Variants in ASIC2 observed in about 807,000 individuals in gnomAD.
ASIC2 encodes acid-sensing ion channel 2.
In ASIC2, 25 loss-of-function variants were observed where a neutral mutation model predicts 57.3. The observed-to-expected ratio is 0.44, with a 90% CI of 0.32 to 0.61. The LOEUF (loss-of-function observed/expected upper bound fraction) is 0.61, where lower values mean the gene tolerates loss of function less well. ASIC2 is among the 20% of genes least tolerant of loss of function. ASIC2 has a pLI of 0.06. For synonymous variants in ASIC2, 319 were observed against 307.5 expected (o/e 1.04, Z -0.39); for missense variants, 641 against 738.1 (o/e 0.87, Z 1.52).
At chr17:33,923,136 T>C (rs1372620097) in intron 1 of ASIC2, among the ~76,000 whole-genome samples, 3 of 152,066 alleles carry the variant, frequency 2.0e-5, no homozygotes, top group African/African-American at 7.2e-5. Flanking sequence ...TGGCTTTGAG[T>C]GGCTTTCTGC....
intron 3 of ASIC2, among the ~76,000 whole-genome samples, chr17:33,059,579 T>C (rs1264186267): frequency 6.6e-6 from 1 of 152,262 alleles, no homozygotes; most frequent in Non-Finnish European, 1.5e-5. Context: ...TTTGGAATGG[T>C]TCCAAGTCTT....
chr17:33,724,793 A>G (rs1050514269), intron 1 of ASIC2, among the ~76,000 whole-genome samples: 4 of 152,070 alleles, frequency 2.6e-5, no homozygotes, highest in Non-Finnish European at 5.9e-5. Flanking sequence ...TTGAGTTTGT[A>G]TTAATAAATA....
intron 1 of ASIC2, among the ~76,000 whole-genome samples, chr17:33,346,956 A>G (rs936972958): frequency 1.1e-4 from 17 of 152,190 alleles, no homozygotes; most frequent in African/African-American, 3.9e-4. Context: ...CACCTTTTCA[A>G]AAAAGTTTTG....
chr17:33,493,182 A>T (rs193152283), intron 1 of ASIC2, among the ~76,000 whole-genome samples: 63 of 152,312 alleles, frequency 4.1e-4, no homozygotes, highest in Admixed American at 3.5e-3. Context: ...TTCAGGCTCC[A>T]GGGTATGTGC....
At chr17:33,532,653 T>C (rs548292586) in intron 1 of ASIC2, among the ~76,000 whole-genome samples, 2 of 152,354 alleles carry the variant, frequency 1.3e-5, no homozygotes, top group South Asian at 4.1e-4. Context: ...CATTTCCATC[T>C]CTTCCACGTC....
intron 1 of ASIC2, among the ~76,000 whole-genome samples, chr17:33,582,826 GATGAACATTAAGAAC>G (rs1481688830): frequency 6.6e-6 from 1 of 151,926 alleles, no homozygotes; most frequent in Non-Finnish European, 1.5e-5. Flanking sequence ...AAAACAAAGA[GATGAACATTAAGAAC>G]ATTCTTTATT....
rs75981220 is a variant in ASIC2, at chr17:34,013,584, G to C, written c.555+142394C>G. On this transcript the variant is annotated intron_variant, in intron 1 of 9. Coordinates refer to the ASIC2 transcript ENST00000359872. ...TGCTGAGACAAGATGAGGGGCTTCA[G>C]GGCTAGGTGGCCAGGAAGAGAAGCC... Among the ~76,000 whole-genome samples the C allele has an allele frequency of 6.2e-3, 944 of 152,326 alleles. 11 individuals are homozygous for C. The highest frequency in any genetic ancestry group is 0.021 in the African/African-American group (875 of 41,572).
chr17:33,464,139 C>T (rs1283534145), intron 1 of ASIC2, among the ~76,000 whole-genome samples: 2 of 152,220 alleles, frequency 1.3e-5, no homozygotes, highest in African/African-American at 4.8e-5. Flanking sequence ...TCCTAAGAGT[C>T]TGAGACCTGC....
intron 1 of ASIC2, among the ~76,000 whole-genome samples, chr17:34,151,109 A>G (rs1904502959): frequency 1.6e-5 from 1 of 63,300 alleles, no homozygotes; most frequent in South Asian, 6.2e-4. Flanking sequence ...TCTCAAGAAA[A>G]AAAAAAAAAA....
At chr17:33,416,460 TG>T (rs1910844254) in intron 1 of ASIC2, among the ~76,000 whole-genome samples, 1 of 152,178 alleles carries the variant, frequency 6.6e-6, no homozygotes, top group Non-Finnish European at 1.5e-5. Context: ...CTTTGCTGAC[TG>T]GTTACTGGTT....
At chr17:33,812,763 C>T (rs17250342) in intron 1 of ASIC2, among the ~76,000 whole-genome samples, 9 of 152,092 alleles carry the variant, frequency 5.9e-5, no homozygotes, top group Non-Finnish European at 1.2e-4. Context: ...ATCAGATCTA[C>T]CCACATTAGA....
chr17:33,529,132 T>A (rs1368195242), intron 1 of ASIC2, among the ~76,000 whole-genome samples: 4 of 152,224 alleles, frequency 2.6e-5, no homozygotes, highest in Admixed American at 2.6e-4. Context: ...GGAGTGAACT[T>A]TGGGGACATC....
intron 1 of ASIC2, among the ~76,000 whole-genome samples, chr17:34,140,838 A>G (rs1912253345): frequency 6.6e-6 from 1 of 152,210 alleles, no homozygotes; most frequent in Non-Finnish European, 1.5e-5. Context: ...GAATTCAAAA[A>G]CCATCATTTG....
intron 1 of ASIC2, among the ~76,000 whole-genome samples, chr17:33,717,456 G>C (rs1208445896): frequency 6.6e-6 from 1 of 152,110 alleles, no homozygotes; most frequent in Non-Finnish European, 1.5e-5. Flanking sequence ...GTGCCTGTCT[G>C]GGCCTCCTCA....
At position 33,795,440 on chromosome 17, in the gene ASIC2, G is replaced by A. The variant is rs561028747; in HGVS notation, c.555+360538C>T. On this transcript the variant is annotated intron_variant, in intron 1 of 9. Coordinates refer to the ASIC2 transcript ENST00000359872. Reference sequence around the variant, plus strand: ...CCTTCACAGAAGCCCTTGTTCCTGAGAGCATGCCCCTCCAACCTTGCCATG... The same window carrying A: ...CCTTCACAGAAGCCCTTGTTCCTGAAAGCATGCCCCTCCAACCTTGCCATG... 2.0e-5 allele frequency among the ~76,000 whole-genome samples: 3 copies of A among 152,366 alleles called. No individual in the cohort carries two copies. The South Asian group carries it at 6.2e-4, about 32-fold the overall frequency.
At chr17:33,041,773 T>A (rs1373885366) in intron 3 of ASIC2, among the ~76,000 whole-genome samples, 1 of 152,220 alleles carries the variant, frequency 6.6e-6, no homozygotes, top group Non-Finnish European at 1.5e-5. Flanking sequence ...TAGCACCAAA[T>A]CACATCTGAG....
At chr17:33,890,107 A>T (rs1297519478) in intron 1 of ASIC2, among the ~76,000 whole-genome samples, 1 of 152,214 alleles carries the variant, frequency 6.6e-6, no homozygotes, top group African/African-American at 2.4e-5. Context: ...TCATTAATTT[A>T]AAAAAGTAAA....
intron 1 of ASIC2, among the ~76,000 whole-genome samples, chr17:33,432,313 C>T (rs748276551): frequency 1.3e-5 from 2 of 152,144 alleles, no homozygotes; most frequent in Non-Finnish European, 2.9e-5. Flanking sequence ...CTCAGGATTT[C>T]GAGACCAGCC....
intron 1 of ASIC2, among the ~76,000 whole-genome samples, chr17:33,285,362 T>A (rs114882039): frequency 0.014 from 2,131 of 152,342 alleles, 41 homozygotes; most frequent in African/African-American, 0.049. Flanking sequence ...CACCATCCTG[T>A]CTCTAGCACT....
Sources: allele counts gnomAD v4.1 joint callset (sites outside exome capture counted in the v4.1 genomes callset), GRCh38; gene constraint gnomAD v4.1.1; transcripts MANE v1.5; gene names NCBI Gene and HGNC (gene_info 2026-07-23, HGNC 2026-07-21).